RERE: variants seen among roughly 807,000 people sequenced by gnomAD.
RERE encodes arginine-glutamic acid dipeptide repeats protein.
RERE carries 40 observed loss-of-function variants against 146.1 expected under a neutral mutation model. The observed-to-expected ratio is 0.27, with a 90% CI of 0.21 to 0.36. RERE has a LOEUF of 0.36. Among genes scored for constraint, RERE ranks in the 10% least tolerant of loss-of-function variants. RERE has a pLI of 1.00. For missense variants in RERE, 1,933 were observed against 2,138.7 expected (o/e 0.90, Z 1.90); for synonymous variants, 1,003 against 866.0 (o/e 1.16, Z -2.78).
intron 1 of RERE, among the ~76,000 whole-genome samples, chr1:8,718,991 G>C (rs1190443093): frequency 6.6e-6 from 1 of 152,118 alleles, no homozygotes; most frequent in Admixed American, 6.5e-5. Context: ...TTAAAGGAGG[G>C]CCTAAATCAC....
chr1:8,604,374 T>C (rs75997170), intron 4 of RERE, among the ~76,000 whole-genome samples: 1,690 of 151,934 alleles, frequency 0.011, 30 homozygotes, highest in African/African-American at 0.039. Flanking sequence ...AAACAAAAAC[T>C]AAAAAGAATA....
rs1646730274 is a variant in RERE, at chr1:8,607,455, G to T, written c.522+7106C>A. Among the ~76,000 whole-genome samples the T allele has an allele frequency of 2.0e-5, 3 of 149,620 alleles. No homozygotes were observed. The South Asian group carries it at 6.3e-4, about 31-fold the overall frequency. On this transcript the variant is annotated intron_variant, in intron 4 of 22. Transcript: ENST00000400908. ...GTAAAACCACAAGCTTACTTCCATG[G>T]CCTGAAATGTCTTTGGCAATTCTAT...
At chr1:8,564,553 T>C (rs527848612) in intron 4 of RERE, among the ~76,000 whole-genome samples, 4 of 152,306 alleles carry the variant, frequency 2.6e-5, no homozygotes, top group African/African-American at 9.6e-5. Context: ...AAATCAAAAC[T>C]AAAGATAAGC....
At chr1:8,470,180 G>A (rs1644661664) in intron 10 of RERE, among the ~76,000 whole-genome samples, 1 of 151,930 alleles carries the variant, frequency 6.6e-6, no homozygotes, top group Non-Finnish European at 1.5e-5. Context: ...AGTAAGTATT[G>A]AGAGTCCCTA....
At chr1:8,556,628 A>T in intron 5 of RERE, 57 bp from the exon 6 acceptor site, 1 of 1,110,060 alleles carries the variant, frequency 9.0e-7, no homozygotes, top group Non-Finnish European at 1.4e-6. Context: ...ACAAGTAAAA[A>T]AAATTTGTAA....
chr1:8,391,043 C>T (rs1039909211), intron 12 of RERE, among the ~76,000 whole-genome samples: 2 of 152,178 alleles, frequency 1.3e-5, no homozygotes, highest in African/African-American at 2.4e-5. Flanking sequence ...TCCTACCTGG[C>T]GCTCAGTTTC....
intron 7 of RERE, among the ~76,000 whole-genome samples, chr1:8,529,384 G>A (rs1199012252): frequency 6.8e-6 from 1 of 147,540 alleles, no homozygotes; most frequent in Non-Finnish European, 1.5e-5. Context: ...CCGGGTCCTA[G>A]GTTCACGCCA....
chr1:8,566,036 T>C (rs1646148453), intron 4 of RERE, among the ~76,000 whole-genome samples: 1 of 152,224 alleles, frequency 6.6e-6, no homozygotes, highest in Non-Finnish European at 1.5e-5. Flanking sequence ...TTGTTTCATT[T>C]TGAGAGGGCA....
Position 8,358,689 on chromosome 1 carries a change from G to A in RERE, c.3846C>T (p.Asp1282=). The A allele has an allele frequency of 6.3e-7, 1 of 1,589,096 alleles. No individual in the cohort carries two copies. Among genetic ancestry groups the A allele is most frequent in the Non-Finnish European group, 8.6e-7 (1 of 1,165,392 alleles). The change falls in exon 20 of 23, where the codon GAC becomes GAT. Residue 1282 remains aspartate, a synonymous_variant. Coordinates refer to ENST00000400908, the MANE Select transcript of RERE (RefSeq NM_001042681.2). ...CAGGCATGTGGTAGGCCAGCAGGGG[G>A]TCCGTGGGGTTAAGGGGCATGTAGA... The part of the protein sequence containing the change: ...HPFYMPLNPT[D]PLLAYHMPGL...
intron 1 of RERE, among the ~76,000 whole-genome samples, chr1:8,712,486 G>A (rs1458519481): frequency 6.6e-6 from 1 of 152,184 alleles, no homozygotes; most frequent in Non-Finnish European, 1.5e-5. Context: ...ACTCTGGTAT[G>A]TTTAAACGAT....
At chr1:8,512,551 A>G (rs940318032) in intron 7 of RERE, 2 of 149,630 alleles carry the variant, frequency 1.3e-5, no homozygotes, top group African/African-American at 5.0e-5. Flanking sequence ...CTGCCCTCCA[A>G]TCTCCCCTCC....
Position 8,361,302 on chromosome 1 carries a change from C to G in RERE, c.2205G>C (p.Gln735His). The G allele has an allele frequency of 1.2e-6, 2 of 1,609,010 alleles. No individual in the cohort carries two copies. The highest frequency in any genetic ancestry group is 1.7e-6 in the Non-Finnish European group (2 of 1,177,602). Residue 735 changes from glutamine to histidine, a missense_variant, in exon 18 of 23, where the codon CAG becomes CAC. Gln to His is a conservative substitution (Grantham distance 24). Transcript: ENST00000400908. The stretch of plus-strand genomic sequence containing the variant: ...GAGCCTGCAAGGCTGGGGGCTGGGC[C>G]TGCAGCATCTGCTGCTGGGCTGACG... ...SDSSAQQQML[Q>H]AQPPALQAPT...
intron 4 of RERE, among the ~76,000 whole-genome samples, chr1:8,599,037 T>A (rs967663133): frequency 1.3e-5 from 2 of 152,192 alleles, no homozygotes; most frequent in Admixed American, 1.3e-4. Flanking sequence ...GCACTGCCCA[T>A]GACAGGACCT....
At chr1:8,707,227 G>C (rs956221517) in intron 1 of RERE, among the ~76,000 whole-genome samples, 2 of 152,188 alleles carry the variant, frequency 1.3e-5, no homozygotes, top group Non-Finnish European at 2.9e-5. Context: ...ATATTCTACA[G>C]GCCTCAGCAT....
chr1:8,673,053 T>A (rs1256240358), intron 1 of RERE, among the ~76,000 whole-genome samples: 1 of 152,172 alleles, frequency 6.6e-6, no homozygotes, highest in Non-Finnish European at 1.5e-5. Context: ...AGCCATACAT[T>A]CAAGAATAAA....
intron 7 of RERE, among the ~76,000 whole-genome samples, chr1:8,514,076 G>T (rs776107948): frequency 6.6e-6 from 1 of 152,210 alleles, no homozygotes; most frequent in Non-Finnish European, 1.5e-5. Flanking sequence ...CATAAGAAAT[G>T]CCTTTCAGTG....
chr1:8,532,046 A>G (rs1645661211), intron 7 of RERE, among the ~76,000 whole-genome samples: 1 of 152,226 alleles, frequency 6.6e-6, no homozygotes, highest in Non-Finnish European at 1.5e-5. Context: ...TACCACATAC[A>G]TACGCTATGT....
intron 13 of RERE, among the ~76,000 whole-genome samples, 181 bp downstream of exon 13, chr1:8,365,631 G>A (rs1370620189): frequency 6.6e-6 from 1 of 152,168 alleles, no homozygotes; most frequent in East Asian, 1.9e-4. Context: ...CTGAATCCTT[G>A]TCCTGCTCCC....
rs868112623 is a variant in RERE at position 8,649,747 on chromosome 1, T to A, written c.325+6226A>T. 5.6e-4 allele frequency among the ~76,000 whole-genome samples: 81 copies of A among 144,638 alleles called. 1 individual carries two copies. The East Asian group carries it at 6.7e-3, about 12-fold the overall frequency. The allele number at this position is 144,638 out of a possible 152,430, so 94.9% of individuals were successfully genotyped here. On this transcript the variant is annotated intron_variant, in intron 2 of 22. Transcript: ENST00000400908. ...TCCGTCTCAAAAAAAAAAAAAAAAA[T>A]GTATATATATTATGGAATACACACT...
Sources: gnomAD v4.1 joint callset for allele counts (sites outside exome capture counted in the v4.1 genomes callset) on GRCh38, gnomAD v4.1.1 for gene constraint, MANE v1.5 for transcripts, NCBI Gene and HGNC (gene_info 2026-07-23, HGNC 2026-07-21) for gene names.